Variants in PRKRIP1 observed in about 807,000 individuals in gnomAD.
PRKRIP1 encodes the protein PRKR-interacting protein 1.
A neutral mutation model predicts 29.3 loss-of-function variants in PRKRIP1; 29 were observed. That is an observed-to-expected ratio of 0.99 (90% confidence interval 0.74 to 1.35). The LOEUF (loss-of-function observed/expected upper bound fraction) is 1.35. Among genes scored for constraint, PRKRIP1 ranks in the 40% most tolerant of loss-of-function variants. The pLI is 0.00. For synonymous variants in PRKRIP1, 90 were observed against 85.1 expected, an observed-to-expected ratio of 1.06 and a Z score of -0.32; for missense variants, 247 against 236.8, an observed-to-expected ratio of 1.04 and a Z score of -0.28.
intron 5 of PRKRIP1, among the ~76,000 whole-genome samples, chr7:102,415,349 A>G (rs1242785654): frequency 2.6e-5 from 4 of 152,092 alleles, no homozygotes; most frequent in Admixed American, 2.0e-4. Flanking sequence ...AGATTCTCCC[A>G]CTTCAGCCTC....
At chr7:102,420,563 G>A (rs1384749946) in intron 5 of PRKRIP1, among the ~76,000 whole-genome samples, 1 of 152,130 alleles carries the variant, frequency 6.6e-6, no homozygotes, top group Non-Finnish European at 1.5e-5. Flanking sequence ...GGAATGAACT[G>A]GGGTAATTTT....
intron 5 of PRKRIP1, among the ~76,000 whole-genome samples, chr7:102,409,598 G>T (rs192025975): frequency 8.5e-4 from 129 of 152,246 alleles, no homozygotes; most frequent in Middle Eastern, 3.4e-3. Context: ...TGGGGCAGGA[G>T]GATTGCTTGA....
chr7:102,425,348 G>A lies in PRKRIP1; in HGVS notation c.*237G>A. The A allele has an allele frequency of 1.4e-6, 1 of 727,404 alleles. No individual in the cohort carries two copies. Among genetic ancestry groups the A allele is most frequent in the South Asian group, 1.7e-5 (1 of 59,064 alleles). The allele number at this position is 727,404 out of a possible 1,614,324, so 45.1% of individuals were successfully genotyped here. Reference sequence around the variant, plus strand: ...GACACCATCCGTGCTCCTGGTAAAGGGGGACAGAGAGCCTCACCTTGCCAC... The same window carrying A: ...GACACCATCCGTGCTCCTGGTAAAGAGGGACAGAGAGCCTCACCTTGCCAC... On this transcript the variant is annotated 3_prime_UTR_variant, in exon 6 of 6. Transcript: ENST00000397912.
At chr7:102,413,004 G>T (rs1340320388) in intron 5 of PRKRIP1, among the ~76,000 whole-genome samples, 1 of 152,258 alleles carries the variant, frequency 6.6e-6, no homozygotes, top group East Asian at 1.9e-4. Flanking sequence ...GCCCATCAAA[G>T]AAATCCAGGG....
chr7:102,403,382 G>A (rs1338802592), intron 3 of PRKRIP1, among the ~76,000 whole-genome samples: 1 of 152,198 alleles, frequency 6.6e-6, no homozygotes, highest in Non-Finnish European at 1.5e-5. Context: ...AGGTGTTGAA[G>A]GCACCTCTTC....
intron 5 of PRKRIP1, among the ~76,000 whole-genome samples, chr7:102,415,485 G>C (rs184000231): frequency 6.6e-6 from 1 of 152,142 alleles, no homozygotes; most frequent in African/African-American, 2.4e-5. Context: ...ATTCACCCGC[G>C]TTGGCCTCCC....
chr7:102,396,581 C>G, intron 1 of PRKRIP1, 44 bp downstream of exon 1: 4 of 1,581,594 alleles, frequency 2.5e-6, no homozygotes, highest in Non-Finnish European at 3.4e-6. Context: ...AGGCCCACCC[C>G]CTTCCTCTGC....
chr7:102,416,870 T>G (rs567258475), intron 5 of PRKRIP1, among the ~76,000 whole-genome samples: 2 of 151,978 alleles, frequency 1.3e-5, no homozygotes, highest in Non-Finnish European at 2.9e-5. Flanking sequence ...TTTGTTTGTT[T>G]GTTGAGATGG....
Position 102,425,306 on chromosome 7 carries a change from A to G in PRKRIP1, c.*195A>G. ...CTGAGGGGCCATCTCCCTGACACTC[A>G]GAGGCACTGCCTTGCAGACACCATC... On this transcript the variant is annotated 3_prime_UTR_variant, in exon 6 of 6. Transcript: ENST00000397912. 8.9e-7 allele frequency: 1 copy of G among 1,125,808 alleles called. No individual in the cohort carries two copies. Among genetic ancestry groups the G allele is most frequent in the South Asian group, 1.4e-5 (1 of 70,594 alleles). The allele number at this position is 1,125,808 out of a possible 1,614,324, so 69.7% of individuals were successfully genotyped here.
intron 2 of PRKRIP1, 59 bp from the exon 3 acceptor site, chr7:102,399,489 A>G: frequency 7.2e-7 from 1 of 1,382,496 alleles, no homozygotes; most frequent in Non-Finnish European, 1.0e-6. Flanking sequence ...CCCTCGATTA[A>G]GGGTGACCTG....
chr7:102,415,512 A>G (rs1796510457), intron 5 of PRKRIP1, among the ~76,000 whole-genome samples: 1 of 152,264 alleles, frequency 6.6e-6, no homozygotes, highest in African/African-American at 2.4e-5. Context: ...CTGGGATTAC[A>G]GGCGTGAGCC....
intron 5 of PRKRIP1, chr7:102,423,395 T>C: frequency 3.0e-6 from 1 of 330,414 alleles, no homozygotes; most frequent in Non-Finnish European, 6.1e-6. Context: ...ATTACAGACA[T>C]GAGCCACCGT....
chr7:102,409,234 T>G (rs1056394129), intron 5 of PRKRIP1, among the ~76,000 whole-genome samples: 2 of 152,188 alleles, frequency 1.3e-5, no homozygotes, highest in Admixed American at 6.6e-5. Context: ...TTATGAGTTG[T>G]AAATGTACTG....
intron 5 of PRKRIP1, among the ~76,000 whole-genome samples, chr7:102,409,074 T>G (rs2133182287): frequency 6.6e-6 from 1 of 152,224 alleles, no homozygotes; most frequent in Admixed American, 6.5e-5. Context: ...TTCGGGAGGC[T>G]GAGGCAGGAG....
At chr7:102,408,601 A>G (rs1796293470) in intron 5 of PRKRIP1, among the ~76,000 whole-genome samples, 1 of 152,198 alleles carries the variant, frequency 6.6e-6, no homozygotes, top group Non-Finnish European at 1.5e-5. Context: ...CCAAAAAATG[A>G]CACTGTCCCC....
intron 5 of PRKRIP1, among the ~76,000 whole-genome samples, chr7:102,410,602 G>A (rs1388496378): frequency 2.0e-5 from 3 of 152,182 alleles, no homozygotes; most frequent in Admixed American, 2.0e-4. Context: ...TCTGGGGAGA[G>A]GGAGACGGGA....
chr7:102,398,913 C>T (rs921162472), intron 2 of PRKRIP1, among the ~76,000 whole-genome samples: 29 of 151,930 alleles, frequency 1.9e-4, no homozygotes, highest in African/African-American at 6.8e-4. Flanking sequence ...GAGAATTGCT[C>T]GAGTTTGAGA....
intron 5 of PRKRIP1, among the ~76,000 whole-genome samples, chr7:102,409,026 T>A (rs1405332916): frequency 6.7e-6 from 1 of 149,480 alleles, no homozygotes; most frequent in African/African-American, 2.5e-5. Context: ...ATACAAAAAT[T>A]AGCTAGGCGT....
In PRKRIP1 at chr7:102,425,358, A is replaced by T; in HGVS notation, c.*247A>T. ...GTGCTCCTGGTAAAGGGGGACAGAG[A>T]GCCTCACCTTGCCACATATTTGAAC... is the stretch of plus-strand genomic sequence containing the variant. On this transcript the variant is annotated 3_prime_UTR_variant, in exon 6 of 6. Coordinates refer to ENST00000397912, the MANE Select transcript of PRKRIP1 (RefSeq NM_024653.4). 1.5e-6 allele frequency: 1 copy of T among 646,752 alleles called. No individual in the cohort carries two copies. Among genetic ancestry groups the T allele is most frequent in the Non-Finnish European group, 2.5e-6 (1 of 392,424 alleles). The allele number at this position is 646,752 out of a possible 1,614,324, so 40.1% of individuals were successfully genotyped here.
Sources: gnomAD v4.1 joint callset for allele counts (sites outside exome capture counted in the v4.1 genomes callset) on GRCh38, gnomAD v4.1.1 for gene constraint, MANE v1.5 for transcripts, NCBI Gene and HGNC (gene_info 2026-07-23, HGNC 2026-07-21) for gene names.